MCC: variants seen among roughly 807,000 people sequenced by gnomAD.
The protein encoded by MCC is colorectal mutant cancer protein.
MCC carries 90 observed loss-of-function variants against 116.2 expected under a neutral mutation model. That is an observed-to-expected ratio of 0.77 (90% confidence interval 0.65 to 0.92). MCC has a LOEUF of 0.92. Ranked by LOEUF, MCC falls within the 40% of genes least tolerant of loss-of-function variation. The pLI, the probability that MCC is intolerant of heterozygous loss-of-function variation, is 0.00. For synonymous variants in MCC, 578 were observed against 510.5 expected (o/e 1.13, Z -1.78); for missense variants, 1,516 against 1,312.2 (o/e 1.16, Z -2.40).
intron 3 of MCC, among the ~76,000 whole-genome samples, chr5:113,169,090 C>T (rs540067948): frequency 1.3e-4 from 20 of 152,050 alleles, no homozygotes; most frequent in African/African-American, 3.1e-4. Flanking sequence ...AAACTCCCAC[C>T]GTCCCAGACT....
At chr5:113,128,641 A>C (rs1822492) in intron 5 of MCC, among the ~76,000 whole-genome samples, 5,677 of 152,340 alleles carry the variant, frequency 0.037, 353 homozygotes, top group African/African-American at 0.13. Flanking sequence ...TGAATATAAC[A>C]ATCCATTTTT....
chr5:113,085,153 C>G lies in MCC; in HGVS notation c.1545+11G>C, dbSNP rs759864021. 6.2e-7 allele frequency: 1 copy of G among 1,614,124 alleles called. No individual in the cohort carries two copies. The highest frequency in any genetic ancestry group is 8.5e-7 in the Non-Finnish European group (1 of 1,180,026). Reference sequence around the variant, plus strand: ...TGTTCCCGCTCATCGGGTCCATCCCCAGGAACTCACCTTGGCGATGGGAAT... The same window carrying G: ...TGTTCCCGCTCATCGGGTCCATCCCGAGGAACTCACCTTGGCGATGGGAAT... On this transcript the variant is annotated intron_variant, in intron 9 of 18. Coordinates refer to ENST00000408903, the MANE Select transcript of MCC (RefSeq NM_001085377.2).
chr5:113,438,492 A>G (rs1297861378), intron 1 of MCC, among the ~76,000 whole-genome samples: 1 of 152,202 alleles, frequency 6.6e-6, no homozygotes, highest in East Asian at 1.9e-4. Context: ...GTATATAAGG[A>G]AAAAAGGTAT....
At chr5:113,033,280 G>A (rs771294092) in intron 17 of MCC, among the ~76,000 whole-genome samples, 54 of 152,212 alleles carry the variant, frequency 3.5e-4, no homozygotes, top group Admixed American at 1.2e-3. Flanking sequence ...AGGGACTGGC[G>A]TAAGGCAGAA....
At chr5:113,148,040 G>A (rs1407350017) in intron 4 of MCC, among the ~76,000 whole-genome samples, 3 of 152,170 alleles carry the variant, frequency 2.0e-5, no homozygotes, top group African/African-American at 7.2e-5. Flanking sequence ...AAGCTTGTTT[G>A]ACATATCTCC....
At chr5:113,097,298 G>A (rs1046848605) in intron 8 of MCC, among the ~76,000 whole-genome samples, 4 of 152,088 alleles carry the variant, frequency 2.6e-5, no homozygotes, top group African/African-American at 9.7e-5. Flanking sequence ...TAATATTTTA[G>A]CATATCAGTG....
chr5:113,217,444 A>ATAT (rs1240262029), intron 3 of MCC, among the ~76,000 whole-genome samples: 4 of 152,148 alleles, frequency 2.6e-5, no homozygotes, highest in African/African-American at 9.7e-5. Flanking sequence ...TACTGCAAAG[A>ATAT]TATTATTTTC....
At chr5:113,171,328 G>A (rs939982416) in intron 3 of MCC, among the ~76,000 whole-genome samples, 3 of 151,042 alleles carry the variant, frequency 2.0e-5, no homozygotes, top group African/African-American at 4.9e-5. Flanking sequence ...GGGCAAAAAT[G>A]CACAGAGACA....
chr5:113,252,239 G>A (rs1716983892), intron 3 of MCC, among the ~76,000 whole-genome samples: 1 of 152,068 alleles, frequency 6.6e-6, no homozygotes, highest in South Asian at 2.1e-4. Context: ...AGGGTCCCCA[G>A]CCCCCGGGCC....
chr5:113,117,857 T>C (rs544073674), intron 6 of MCC, among the ~76,000 whole-genome samples: 1 of 152,236 alleles, frequency 6.6e-6, no homozygotes, highest in Non-Finnish European at 1.5e-5. Flanking sequence ...AAAATCTGAT[T>C]GCAAATGCTT....
chr5:113,408,756 A>G (rs1028279295), intron 1 of MCC, among the ~76,000 whole-genome samples: 3 of 152,100 alleles, frequency 2.0e-5, no homozygotes, highest in Non-Finnish European at 4.4e-5. Flanking sequence ...TATCATGAAT[A>G]TTGGTTGTTT....
chr5:113,132,750 A>G (rs1758539171), intron 5 of MCC, among the ~76,000 whole-genome samples: 2 of 152,126 alleles, frequency 1.3e-5, no homozygotes, highest in African/African-American at 4.8e-5. Context: ...TTACCACTGG[A>G]TAATTACTGG....
At chr5:113,240,320 A>G (rs1764318934) in intron 3 of MCC, among the ~76,000 whole-genome samples, 3 of 152,168 alleles carry the variant, frequency 2.0e-5, no homozygotes, top group Admixed American at 1.3e-4. Context: ...CTGGACTTAT[A>G]TGAGCTAATA....
At position 113,261,270 on chromosome 5, in the gene MCC, T is replaced by A. The variant is rs1213690540; in HGVS notation, c.627+79249A>T. Among the ~76,000 whole-genome samples the A allele has an allele frequency of 3.3e-5, 5 of 152,296 alleles. No homozygotes were observed. In the East Asian group the frequency reaches 9.6e-4, roughly 29 times the overall value. On this transcript the variant is annotated intron_variant, in intron 3 of 18. Coordinates refer to ENST00000408903, the MANE Select transcript of MCC (RefSeq NM_001085377.2). ...CTTAAGTATTGAATATCTCATGTTA[T>A]TTACTGAATACTGTATTAGAAGTGA...
intron 1 of MCC, among the ~76,000 whole-genome samples, chr5:113,449,335 T>C (rs1322501234): frequency 6.6e-6 from 1 of 152,176 alleles, no homozygotes. Flanking sequence ...GGTCTTCCTG[T>C]ATATATGAAA....
chr5:113,200,393 AC>A (rs1461742828), intron 3 of MCC, among the ~76,000 whole-genome samples: 3 of 152,210 alleles, frequency 2.0e-5, no homozygotes, highest in African/African-American at 7.2e-5. Flanking sequence ...GGTCAAGATG[AC>A]TTGACAGTGA....
Position 113,026,495 on chromosome 5 carries a change from G to T in MCC, c.*807C>A, listed in dbSNP as rs1310639515. ...TGACAGAATTTTAGTTCCACTACAG[G>T]TATCAAAAAGATTCCCAGCTCTAAG... On this transcript the variant is annotated 3_prime_UTR_variant, in exon 19 of 19. Coordinates refer to ENST00000408903, the MANE Select transcript of MCC (RefSeq NM_001085377.2). 6.6e-6 allele frequency: 1 copy of T among 152,190 alleles called. No individual in the cohort carries two copies. Among genetic ancestry groups the T allele is most frequent in the African/African-American group, 2.4e-5 (1 of 41,444 alleles). 9.4% of individuals were successfully genotyped at this position (152,190 alleles called of 1,614,324 possible).
chr5:113,225,428 C>G (rs1276126486), intron 3 of MCC, among the ~76,000 whole-genome samples: 1 of 152,210 alleles, frequency 6.6e-6, no homozygotes, highest in Non-Finnish European at 1.5e-5. Context: ...TTCTCAACCA[C>G]CCTTCCACTT....
At chr5:113,313,903 C>T (rs1358076630) in intron 3 of MCC, among the ~76,000 whole-genome samples, 1 of 151,950 alleles carries the variant, frequency 6.6e-6, no homozygotes, top group Non-Finnish European at 1.5e-5. Flanking sequence ...TCACTGCAGC[C>T]TTGGCCTCCT....
Sources: gnomAD v4.1 joint callset for allele counts (sites outside exome capture counted in the v4.1 genomes callset) on GRCh38, gnomAD v4.1.1 for gene constraint, MANE v1.5 for transcripts, NCBI Gene and HGNC (gene_info 2026-07-23, HGNC 2026-07-21) for gene names.